The following FRS2 variants were observed in gnomAD, a reference collection of about 807,000 sequenced individuals.
FRS2 encodes the protein FGFR signalling adaptor.
In FRS2, 8 loss-of-function variants were observed where a neutral mutation model predicts 43.9. The ratio of observed to expected loss-of-function variants is 0.18; its 90% CI spans 0.11 to 0.33. FRS2 has a LOEUF of 0.33. Ranked by LOEUF, FRS2 falls within the 10% of genes least tolerant of loss-of-function variation. FRS2 has a pLI of 1.00. For synonymous variants in FRS2, 219 were observed against 220.3 expected (o/e 0.99, Z 0.05); for missense variants, 534 against 627.6 (o/e 0.85, Z 1.59).
In FRS2 at chr12:69,579,406, T is replaced by C. The variant is rs1425808273; in HGVS notation, c.*4451T>C. 1 of 125,846 alleles carries C rather than the reference T, an allele frequency of 7.9e-6. No homozygotes were observed. Among genetic ancestry groups the C allele is most frequent in the African/African-American group, 3.4e-5 (1 of 29,644 alleles). 7.8% of individuals were successfully genotyped at this position (125,846 alleles called of 1,614,324 possible). The stretch of plus-strand genomic sequence containing the variant: ...TATCTTTGGAGAAGTCAGAGTTCTT[T>C]ACAATCAAACGTTTATTAACTGGAG... On this transcript the variant is annotated 3_prime_UTR_variant, in exon 9 of 9. Coordinates refer to ENST00000549921, the MANE Select transcript of FRS2 (RefSeq NM_001278356.2).
At position 69,572,219 on chromosome 12, in the gene FRS2, A is replaced by G. The variant is rs1377149666; in HGVS notation, c.514A>G (p.Ser172Gly). The G allele has an allele frequency of 1.9e-6, 3 of 1,613,646 alleles. No individual in the cohort carries two copies. Among genetic ancestry groups the G allele is most frequent in the African/African-American group, 2.7e-5 (2 of 74,918 alleles). ...HPSSRHPSVG[S>G]ARLPSVGEES... is the part of the protein sequence containing the mutation. ...GTCAAGCAGACATCCTTCTGTGGGAAGTGCTCGCCTGCCTTCAGTAGGGGA... is the reference window on the plus strand; with the variant it reads ...GTCAAGCAGACATCCTTCTGTGGGAGGTGCTCGCCTGCCTTCAGTAGGGGA... The change falls in exon 8 of 9, where the codon AGT becomes GGT. Residue 172 changes from serine (S) to glycine (G), a missense_variant. Ser to Gly is a moderately conservative substitution (Grantham distance 56). Coordinates refer to ENST00000549921, the MANE Select transcript of FRS2 (RefSeq NM_001278356.2).
At chr12:69,567,162 ATCTC>A (rs76323613) in intron 4 of FRS2, among the ~76,000 whole-genome samples, 1 of 151,260 alleles carries the variant, frequency 6.6e-6, no homozygotes, top group African/African-American at 2.4e-5. Flanking sequence ...ATCTATTTAC[ATCTC>A]TCTCTCTCTC....
intron 1 of FRS2, among the ~76,000 whole-genome samples, chr12:69,512,157 C>A (rs1044795654): frequency 6.6e-6 from 1 of 152,186 alleles, no homozygotes; most frequent in Non-Finnish European, 1.5e-5. Context: ...CACCCTCCCT[C>A]CCTGTTCTCT....
Position 69,579,020 on chromosome 12 carries a change from A to G in FRS2, c.*4065A>G, listed in dbSNP as rs1881379459. The G allele has an allele frequency of 1.3e-5, 2 of 152,656 alleles. No individual in the cohort carries two copies. 9.5% of individuals were successfully genotyped at this position (152,656 alleles called of 1,614,324 possible). On this transcript the variant is annotated 3_prime_UTR_variant, in exon 9 of 9. Coordinates refer to ENST00000549921, the MANE Select transcript of FRS2 (RefSeq NM_001278356.2). ...TTAAATTTTGGTTTGCATTTTTAAT[A>G]TTGGCAAAACGTAACCACTGTTAAT...
At position 69,578,756 on chromosome 12, in the gene FRS2, C is replaced by T. The variant is rs1368554328; in HGVS notation, c.*3801C>T. On this transcript the variant is annotated 3_prime_UTR_variant, in exon 9 of 9. Transcript: ENST00000549921. ...AATTTGCATTATAAATGTTTTTTTCCTACGTAAAGGCATAAATATAGCAAC... is the reference window on the plus strand; with the variant it reads ...AATTTGCATTATAAATGTTTTTTTCTTACGTAAAGGCATAAATATAGCAAC... 6.6e-6 allele frequency: 1 copy of T among 152,304 alleles called. No homozygotes were observed. Among genetic ancestry groups the T allele is most frequent in the Admixed American group, 6.6e-5 (1 of 15,256 alleles). The allele number at this position is 152,304 out of a possible 1,614,324, so 9.4% of individuals were successfully genotyped here.
rs543277946 is a variant in FRS2 at position 69,544,632 on chromosome 12, G to A, written c.-122+12576G>A. On this transcript the variant is annotated intron_variant, in intron 3 of 8. Transcript: ENST00000549921. The stretch of plus-strand genomic sequence containing the variant: ...TGAGGCAGGAGAATCACTTGAACCC[G>A]GGAGGAGGGGGTTGCAGTGAGCCGA... Among the ~76,000 whole-genome samples the A allele has an allele frequency of 6.6e-5, 10 of 152,118 alleles. No homozygotes were observed. In the East Asian group the frequency reaches 1.7e-3, roughly 26 times the overall value.
intron 2 of FRS2, among the ~76,000 whole-genome samples, chr12:69,531,811 T>C (rs1767354171): frequency 6.6e-6 from 1 of 152,208 alleles, no homozygotes; most frequent in Non-Finnish European, 1.5e-5. Context: ...ATAGAATAAG[T>C]ATTTTTGTAA....
chr12:69,503,601 A>G (rs895070952), intron 1 of FRS2, among the ~76,000 whole-genome samples: 6 of 152,098 alleles, frequency 3.9e-5, no homozygotes, highest in Admixed American at 2.0e-4. Context: ...ACATCTGTCT[A>G]TCACCAGAGA....
chr12:69,533,837 C>G (rs1228447475), intron 3 of FRS2, among the ~76,000 whole-genome samples: 1 of 152,104 alleles, frequency 6.6e-6, no homozygotes, highest in African/African-American at 2.4e-5. Flanking sequence ...GATTATAAAC[C>G]AGTATCTTCC....
intron 4 of FRS2, 122 bp downstream of exon 4, chr12:69,562,396 T>C: frequency 2.6e-6 from 1 of 387,352 alleles, no homozygotes; most frequent in Non-Finnish European, 4.5e-6. Context: ...ACTCTTGAGC[T>C]CAAGCGATTC....
chr12:69,564,289 T>C (rs778854079), intron 4 of FRS2, among the ~76,000 whole-genome samples: 3 of 152,010 alleles, frequency 2.0e-5, no homozygotes, highest in Admixed American at 6.6e-5. Context: ...TACTCCTGTA[T>C]TTAAACACAT....
At chr12:69,567,708 C>CT (rs1880417367) in intron 4 of FRS2, among the ~76,000 whole-genome samples, 1 of 152,114 alleles carries the variant, frequency 6.6e-6, no homozygotes, top group Non-Finnish European at 1.5e-5. Flanking sequence ...AGGAACTGCA[C>CT]TTTGAGTTGA....
At chr12:69,526,387 T>G (rs1248155664) in intron 1 of FRS2, among the ~76,000 whole-genome samples, 1 of 152,230 alleles carries the variant, frequency 6.6e-6, no homozygotes, top group African/African-American at 2.4e-5. Context: ...TATATTACTT[T>G]TGCTATGTGA....
intron 1 of FRS2, among the ~76,000 whole-genome samples, chr12:69,514,636 C>G (rs1451736854): frequency 2.0e-5 from 3 of 152,044 alleles, no homozygotes; most frequent in African/African-American, 7.2e-5. Context: ...AGTTCTAGAC[C>G]AGCCTGGCCA....
intron 3 of FRS2, among the ~76,000 whole-genome samples, chr12:69,550,919 T>C (rs1317106447): frequency 1.3e-5 from 2 of 152,248 alleles, no homozygotes; most frequent in Non-Finnish European, 2.9e-5. Flanking sequence ...AAAAAGATTA[T>C]TTAAAGTACA....
In FRS2 at chr12:69,576,184, A is replaced by G. The variant is rs1315726719; in HGVS notation, c.*1229A>G. On this transcript the variant is annotated 3_prime_UTR_variant, in exon 9 of 9. Coordinates refer to ENST00000549921, the MANE Select transcript of FRS2 (RefSeq NM_001278356.2). ...ACTCTTCCCCAGCACTTTAGCAGTA[A>G]TTCCCCCAGCTACACGCTGCAGTTG... 6 of 152,342 alleles carry G rather than the reference A, an allele frequency of 3.9e-5. No individual in the cohort carries two copies. Among genetic ancestry groups the G allele is most frequent in the Non-Finnish European group, 7.4e-5 (5 of 68,014 alleles). The allele number at this position is 152,342 out of a possible 1,614,324, so 9.4% of individuals were successfully genotyped here.
intron 1 of FRS2, among the ~76,000 whole-genome samples, chr12:69,527,364 T>TTTTTTTTTTTG: frequency 7.0e-6 from 1 of 143,002 alleles, no homozygotes; most frequent in Non-Finnish European, 1.5e-5. Context: ...TTTTTTTTTT[T>TTTTTTTTTTTG]AAAGAGACAA....
intron 1 of FRS2, among the ~76,000 whole-genome samples, chr12:69,502,018 T>G (rs549116850): frequency 6.6e-6 from 1 of 152,096 alleles, no homozygotes; most frequent in Non-Finnish European, 1.5e-5. Context: ...CAGGCTGGAG[T>G]GCAGTGGTAT....
At chr12:69,497,708 G>A (rs953108918) in intron 1 of FRS2, among the ~76,000 whole-genome samples, 4 of 152,172 alleles carry the variant, frequency 2.6e-5, no homozygotes, top group Non-Finnish European at 5.9e-5. Flanking sequence ...GTAGATATTC[G>A]GGAGAGAACA....
Sources: gnomAD v4.1 joint callset for allele counts (sites outside exome capture counted in the v4.1 genomes callset) on GRCh38, gnomAD v4.1.1 for gene constraint, MANE v1.5 for transcripts, NCBI Gene and HGNC (gene_info 2026-07-23, HGNC 2026-07-21) for gene names.